AJUBA: variants seen among roughly 807,000 people sequenced by gnomAD.
AJUBA encodes LIM domain-containing protein ajuba.
In AJUBA, 20 loss-of-function variants were observed where a neutral mutation model predicts 53.3. The observed-to-expected ratio is 0.38, with a 90% confidence interval of 0.26 to 0.55. The LOEUF is 0.55. AJUBA is among the 20% of genes least tolerant of loss of function. AJUBA has a pLI of 0.80. For synonymous variants in AJUBA, 296 were observed against 306.2 expected (o/e 0.97, Z 0.35); for missense variants, 580 against 730.5 (o/e 0.79, Z 2.38).
Position 22,975,090 on chromosome 14 carries a change from C to T in AJUBA, c.1254G>A (p.Met418Ile), listed in dbSNP as rs2045022335. The change falls in exon 5 of 8, where the codon ATG becomes ATA. Residue 418 changes from methionine (M) to isoleucine (I), a missense_variant. Transcript: ENST00000262713. ...HLILEKILQA[M>I]GKSYHPGCFR... ...AACAGCCTGGATGATAGGACTTCCCCATTGCTTGTAGGATCTGGCTCATGG... is the reference window on the plus strand; with the variant it reads ...AACAGCCTGGATGATAGGACTTCCCTATTGCTTGTAGGATCTGGCTCATGG... 1 of 1,612,358 alleles carries T rather than the reference C, an allele frequency of 6.2e-7. No individual in the cohort carries two copies. Among genetic ancestry groups the T allele is most frequent in the South Asian group, 1.1e-5 (1 of 91,030 alleles).
In AJUBA at chr14:22,982,242, T is replaced by A; in HGVS notation, c.25A>T (p.Ser9Cys). 1 of 1,613,962 alleles carries A rather than the reference T, an allele frequency of 6.2e-7. No individual in the cohort carries two copies. Among genetic ancestry groups the A allele is most frequent in the Middle Eastern group, 1.7e-4 (1 of 6,060 alleles). Residue 9 changes from serine (S) to cysteine (C), a missense_variant, in exon 1 of 8, where the codon AGT (serine) becomes TGT (cysteine). Physicochemically the swap from Ser to Cys is moderately radical, Grantham distance 112. Transcript: ENST00000262713. ...CGGCCGAACTTCTCCAGCAGGCGAC[T>A]GGCTTTCTCTCCTAACCGCTCCATG... Reference protein sequence around the residue: MERLGEKASRLLEKFGRRK... With the variant: MERLGEKACRLLEKFGRRK...
chr14:22,978,447 TGAGAA>T lies in AJUBA; in HGVS notation c.1007-7_1007-3del, dbSNP rs755876832. The T allele has an allele frequency of 4.7e-5, 76 of 1,609,302 alleles. No individual in the cohort carries two copies. Among genetic ancestry groups the T allele is most frequent in the Middle Eastern group, 1.7e-4 (1 of 6,050 alleles). ...CTTTGTTGCACTTGATACAGGTGCC[TGAGAA>T]GAGAAAAGTGTCACACTCTACTCCC... On this transcript the variant is annotated splice_polypyrimidine_tract_variant and splice_region_variant and intron_variant, in intron 1 of 7. Transcript: ENST00000262713.
In AJUBA at chr14:22,971,512, A is replaced by G. The variant is rs1050154163; in HGVS notation, c.*1931T>C. The G allele has an allele frequency of 6.6e-6, 1 of 152,236 alleles. No homozygotes were observed. The highest frequency in any genetic ancestry group is 1.5e-5 in the Non-Finnish European group (1 of 68,036). 9.4% of individuals were successfully genotyped at this position (152,236 alleles called of 1,614,324 possible). A position where few individuals can be genotyped will look rare whatever the true frequency, so the allele number is the denominator to read the frequency against. On this transcript the variant is annotated 3_prime_UTR_variant, in exon 8 of 8. Transcript: ENST00000262713. The stretch of plus-strand genomic sequence containing the variant: ...CAAAGATTACTAAATTAATTTGCCT[A>G]AAACCAATTCACCTAAAACCAATTA...
intron 1 of AJUBA, chr14:22,978,998 A>G (rs1419826571): frequency 1.5e-5 from 19 of 1,289,194 alleles, no homozygotes; most frequent in Non-Finnish European, 1.9e-5. Context: ...CTGGCTTGGC[A>G]GAGGGCTCCG....
Position 22,981,777 on chromosome 14 carries a change from C to G in AJUBA, c.490G>C (p.Gly164Arg). Residue 164 changes from glycine to arginine, a missense_variant, in exon 1 of 8, where the codon GGC becomes CGC. This residue lies in a region of AJUBA where 430 missense variants were observed against 471.5 expected (regional missense o/e 0.91). Transcript: ENST00000262713. ...CGCTGGTCGTAGCCCATGCTGATGC[C>G]GCTGGTGCGATTGCTGCAGGGCCGG... is the stretch of plus-strand genomic sequence containing the variant. Reference protein sequence around the residue: ...GSRPCSNRTSGISMGYDQRHG... With the variant: ...GSRPCSNRTSRISMGYDQRHG... 1 of 1,534,626 alleles carries G rather than the reference C, an allele frequency of 6.5e-7. No homozygotes were observed. Among genetic ancestry groups the G allele is most frequent in the Non-Finnish European group, 8.7e-7 (1 of 1,146,312 alleles).
Position 22,981,960 on chromosome 14 carries a change from G to C in AJUBA, c.307C>G (p.Gln103Glu), listed in dbSNP as rs1411467019. 4 of 1,577,810 alleles carry C rather than the reference G, an allele frequency of 2.5e-6. No homozygotes were observed. Among genetic ancestry groups the C allele is most frequent in the Non-Finnish European group, 3.4e-6 (4 of 1,166,038 alleles). ...AGCCGAAAATCGGGGGGCAACGACT[G>C]AGGTAGAGGCAAGGCCCGGGTGGGC... ...PPPTRALPLP[Q>E]SLPPDFRLEP... The change falls in exon 1 of 8, where the codon CAG becomes GAG. Residue 103 changes from glutamine to glutamate, a missense_variant. Coordinates refer to ENST00000262713, the MANE Select transcript of AJUBA (RefSeq NM_032876.6).
At position 22,981,333 on chromosome 14, in the gene AJUBA, G is replaced by A; in HGVS notation, c.934C>T (p.Pro312Ser). The change falls in exon 1 of 8, where the codon CCA (proline) becomes TCA (serine). Residue 312 changes from proline (P) to serine (S), a missense_variant. Coordinates refer to ENST00000262713, the MANE Select transcript of AJUBA (RefSeq NM_032876.6). The part of the protein sequence containing the change: ...SGIEPSGLEE[P>S]PGPFVPEAAR... The stretch of plus-strand genomic sequence containing the variant: ...GCCTCCGGAACGAAAGGACCTGGTG[G>A]CTCCTCCAGACCCGACGGCTCAATC... The A allele has an allele frequency of 6.2e-7, 1 of 1,613,256 alleles. No homozygotes were observed. The highest frequency in any genetic ancestry group is 8.5e-7 in the Non-Finnish European group (1 of 1,179,802).
At chr14:22,976,766 T>A in intron 2 of AJUBA, 54 bp from the exon 3 acceptor site, 1 of 1,592,210 alleles carries the variant, frequency 6.3e-7, no homozygotes, top group Non-Finnish European at 8.5e-7. Flanking sequence ...GGTGCAAGAC[T>A]TCTGGGGTCA....
rs750211876 is a variant in AJUBA, at chr14:22,981,778, G to A, written c.489C>T (p.Ser163=). ...GCTGGTCGTAGCCCATGCTGATGCC[G>A]CTGGTGCGATTGCTGCAGGGCCGGC... ...GGSRPCSNRT[S]GISMGYDQRH... The change falls in exon 1 of 8, where the codon AGC becomes AGT. Residue 163 remains serine, a synonymous_variant. Transcript: ENST00000262713. 3.9e-6 allele frequency: 6 copies of A among 1,534,490 alleles called. No homozygotes were observed. Among genetic ancestry groups the A allele is most frequent in the South Asian group, 2.4e-5 (2 of 83,956 alleles).
intron 6 of AJUBA, 109 bp downstream of exon 6, chr14:22,974,730 A>T: frequency 7.9e-7 from 1 of 1,270,376 alleles, no homozygotes; most frequent in Non-Finnish European, 1.1e-6. Flanking sequence ...TTCACAGAGT[A>T]CATTCCTTGG....
At chr14:22,980,556 T>C (rs1171337646) in intron 1 of AJUBA, 3 of 980,442 alleles carry the variant, frequency 3.1e-6, no homozygotes, top group South Asian at 9.4e-5. Context: ...ATGGGGAAAA[T>C]AGAAGCTGGT....
chr14:22,981,121 C>T, intron 1 of AJUBA, 140 bp downstream of exon 1: 3 of 1,066,656 alleles, frequency 2.8e-6, no homozygotes, highest in Non-Finnish European at 4.0e-6. Flanking sequence ...GGGCCGCCCC[C>T]ATCCATCCCT....
Position 22,981,381 on chromosome 14 carries a change from C to T in AJUBA, c.886G>A (p.Gly296Arg). The T allele has an allele frequency of 6.2e-7, 1 of 1,613,058 alleles. No homozygotes were observed. Among genetic ancestry groups the T allele is most frequent in the Non-Finnish European group, 8.5e-7 (1 of 1,179,924 alleles). ...ATCCCCGAGGGTTCTCCGCGGGCTCCGGCTTCTCGCCCACCGGTGCCCACC... is the reference window on the plus strand; with the variant it reads ...ATCCCCGAGGGTTCTCCGCGGGCTCTGGCTTCTCGCCCACCGGTGCCCACC... ...LTVGTGGREA[G>R]ARGEPSGIEP... Residue 296 changes from glycine to arginine, a missense_variant, in exon 1 of 8, where the codon GGA (glycine) becomes AGA (arginine). By Grantham distance (125) the Gly-to-Arg change is moderately radical (BLOSUM62 -2). Around this residue, in one of 2 missense-constraint regions of AJUBA, gnomAD observed 430 missense variants for 471.5 expected, o/e 0.91. Coordinates refer to ENST00000262713, the MANE Select transcript of AJUBA (RefSeq NM_032876.6).
chr14:22,978,294 G>A (rs1487841578), intron 2 of AJUBA, 50 bp downstream of exon 2: 1 of 1,531,666 alleles, frequency 6.5e-7, no homozygotes, highest in South Asian at 1.1e-5. Flanking sequence ...ACTTGTAAGT[G>A]TGTATGTGGG....
Position 22,973,309 on chromosome 14 carries a change from G to A in AJUBA, c.*134C>T, listed in dbSNP as rs185714780. ...GGAATATCATGATCTTTGGGTCTCC[G>A]GCCCTTGGGGTCCTCCCCAGAGGAC... On this transcript the variant is annotated 3_prime_UTR_variant, in exon 8 of 8. Coordinates refer to ENST00000262713, the MANE Select transcript of AJUBA (RefSeq NM_032876.6). 54 of 1,302,220 alleles carry A rather than the reference G, an allele frequency of 4.1e-5. No homozygotes were observed. Among genetic ancestry groups the A allele is most frequent in the Non-Finnish European group, 5.2e-5 (50 of 958,910 alleles). The allele number at this position is 1,302,220 out of a possible 1,614,324, so 80.7% of individuals were successfully genotyped here.
chr14:22,979,304 G>A lies in AJUBA; in HGVS notation c.1007-859C>T, dbSNP rs1324603747. Reference sequence around the variant, plus strand: ...GTGAGGGCTAGGGCCTGTCTTTGGGGAGCAGATCCCAACGGGCCTGCCCCA... The same window carrying A: ...GTGAGGGCTAGGGCCTGTCTTTGGGAAGCAGATCCCAACGGGCCTGCCCCA... On this transcript the variant is annotated intron_variant, in intron 1 of 7. Transcript: ENST00000262713. This position sits in a 1 kb window ranked among gnomAD's most constrained non-coding sequence, Gnocchi z 4.0. Among the ~76,000 whole-genome samples the A allele has an allele frequency of 6.6e-6, 1 of 152,224 alleles. No individual in the cohort carries two copies. Among genetic ancestry groups the A allele is most frequent in the African/African-American group, 2.4e-5 (1 of 41,460 alleles).
At chr14:22,978,207 C>T in intron 2 of AJUBA, 137 bp downstream of exon 2, 1 of 807,794 alleles carries the variant, frequency 1.2e-6, no homozygotes. Context: ...TGCGGACCTC[C>T]AGACACTTGG....
At chr14:22,977,631 G>C (rs1312237582) in intron 2 of AJUBA, 2 of 152,428 alleles carry the variant, frequency 1.3e-5, no homozygotes, top group African/African-American at 4.8e-5. Context: ...TGAGCCTAAA[G>C]AGAACCAGGC....
At position 22,978,435 on chromosome 14, in the gene AJUBA, G is replaced by A; in HGVS notation, c.1017C>T (p.Ile339=). The change falls in exon 2 of 8, where the codon ATC becomes ATT. Residue 339 remains isoleucine (I), a synonymous_variant. Transcript: ENST00000262713. ...EAREDYFGTC[I]KCNKGIYGQS... is the part of the protein sequence containing the mutation. ...GCCCATAGATGCCTTTGTTGCACTTGATACAGGTGCCTGAGAAGAGAAAAG... is the reference window on the plus strand; with the variant it reads ...GCCCATAGATGCCTTTGTTGCACTTAATACAGGTGCCTGAGAAGAGAAAAG... The A allele has an allele frequency of 6.2e-7, 1 of 1,611,142 alleles. No individual in the cohort carries two copies. The highest frequency in any genetic ancestry group is 8.5e-7 in the Non-Finnish European group (1 of 1,177,544).
Sources: gnomAD v4.1 joint callset for allele counts (sites outside exome capture counted in the v4.1 genomes callset) on GRCh38, gnomAD v4.1.1 for gene constraint, gnomAD v4.1.1 regional missense constraint, Gnocchi (gnomAD v3.1) non-coding constraint, MANE v1.5 for transcripts, NCBI Gene and HGNC (gene_info 2026-07-23, HGNC 2026-07-21) for gene names.